TNXB: variants seen among roughly 807,000 people sequenced by gnomAD.
TNXB encodes tenascin-X.
A neutral mutation model predicts 340.5 loss-of-function variants in TNXB; 183 were observed. The observed-to-expected ratio is 0.54, with a 90% CI of 0.48 to 0.61. TNXB has a LOEUF of 0.61. Among genes scored for constraint, TNXB ranks in the 20% least tolerant of loss-of-function variants. The probability of loss-of-function intolerance (pLI) is 0.00; values close to 1 mark genes in which losing one functional copy is unlikely to be tolerated. For missense variants in TNXB, 4,613 were observed against 5,446.4 expected, an observed-to-expected ratio of 0.85 and a Z score of 4.82; for synonymous variants, 2,121 against 2,314.5, an observed-to-expected ratio of 0.92 and a Z score of 2.40.
chr6:32,094,441 C>G (rs1397776108), intron 4 of TNXB, among the ~76,000 whole-genome samples: 1 of 152,112 alleles, frequency 6.6e-6, no homozygotes, highest in African/African-American at 2.4e-5. Flanking sequence ...ATGACCAAAA[C>G]AGCTGCCTGC....
rs204880 is a variant in TNXB at position 32,074,214 on chromosome 6, C to T, written c.4376-262G>A. On this transcript the variant is annotated intron_variant, in intron 11 of 43. Transcript: ENST00000644971. The surrounding 1 kb of genome is among the most constrained non-coding windows in gnomAD (Gnocchi z 5.5). Reference sequence around the variant, plus strand: ...TGTGTGTGTGTATTTTTAGTGGAGACGGCATTTGCCATGTTGGCCAGGCTG... The same window carrying T: ...TGTGTGTGTGTATTTTTAGTGGAGATGGCATTTGCCATGTTGGCCAGGCTG... 0.013 allele frequency among the ~76,000 whole-genome samples: 1,948 copies of T among 152,110 alleles called. 39 individuals carry two copies. Among genetic ancestry groups the T allele is most frequent in the African/African-American group, 0.044 (1,832 of 41,484 alleles).
Position 32,069,603 on chromosome 6 carries a change from C to G in TNXB, c.5537G>C (p.Gly1846Ala). 1 of 1,604,514 alleles carries G rather than the reference C, an allele frequency of 6.2e-7. No homozygotes were observed. ...GCCCACACGCTTGCCGTGGTGCAGC[C>G]CGTAGAGCAGCAGCTTGTACCTGTG... ...PAHRYKLLLY[G>A]LHHGKRVGPI... The change falls in exon 15 of 44, where the codon GGG becomes GCG. Residue 1846 changes from glycine to alanine, a missense_variant. Gly to Ala is a moderately conservative substitution (Grantham distance 60). Transcript: ENST00000644971. This position sits in a 1 kb window ranked among gnomAD's most constrained non-coding sequence, Gnocchi z 6.2.
intron 19 of TNXB, among the ~76,000 whole-genome samples, chr6:32,063,040 G>A (rs981610126): frequency 1.3e-5 from 2 of 151,528 alleles, no homozygotes; most frequent in African/African-American, 2.4e-5. Flanking sequence ...GGGAGACAGC[G>A]AGACTCCTTC....
chr6:32,067,181 A>AAGAAAG lies in TNXB; in HGVS notation c.6544+479_6544+480insCTTTCT, dbSNP rs1778422937. Among the ~76,000 whole-genome samples, 1 of 150,722 alleles carries AAGAAAG rather than the reference A, an allele frequency of 6.6e-6. No individual in the cohort carries two copies. Among genetic ancestry groups the AAGAAAG allele is most frequent in the African/African-American group, 2.4e-5 (1 of 40,882 alleles). On this transcript the variant is annotated intron_variant, in intron 18 of 43. Transcript: ENST00000644971. This position sits in a 1 kb window ranked among gnomAD's most constrained non-coding sequence, Gnocchi z 4.2. ...AAAGAAAGAAAGAAAGAAAGAAAGAAAGAAAACATTCTAGTGATTCTAGTG... is the reference window on the plus strand; with the variant it reads ...AAAGAAAGAAAGAAAGAAAGAAAGAAAGAAAGAGAAAACATTCTAGTGATTCTAGTG...
At position 32,048,352 on chromosome 6, in the gene TNXB, C is replaced by T; in HGVS notation, c.10045+11G>A. On this transcript the variant is annotated intron_variant, in intron 29 of 43. Coordinates refer to ENST00000644971, the MANE Select transcript of TNXB (RefSeq NM_001365276.2). ...GGCTCTGGCCGCGGGAGGCCTCCAG[C>T]CCTCACTCACCGGTCCTGGCCTCCA... The T allele has an allele frequency of 1.4e-6, 2 of 1,477,778 alleles. No individual in the cohort carries two copies. The highest frequency in any genetic ancestry group is 1.8e-6 in the Non-Finnish European group (2 of 1,112,150). 91.5% of individuals were successfully genotyped at this position (1,477,778 alleles called of 1,614,324 possible). A position where few individuals can be genotyped will look rare whatever the true frequency, so the allele number is the denominator to read the frequency against.
chr6:32,099,042 T>G (rs3117182), intron 1 of TNXB, among the ~76,000 whole-genome samples: 1 of 152,130 alleles, frequency 6.6e-6, no homozygotes, highest in African/African-American at 2.4e-5. Flanking sequence ...TGGGAGCTCC[T>G]TGAGAACAAG....
In TNXB at chr6:32,082,465, G is replaced by A; in HGVS notation, c.3446-139C>T. On this transcript the variant is annotated intron_variant, in intron 8 of 43. Transcript: ENST00000644971. The surrounding 1 kb of genome is among the most constrained non-coding windows in gnomAD (Gnocchi z 5.0). ...TGCATTTGCTGAGGGAGTACAGAGG[G>A]ACTGAAATCCAGCCAGCACTCTGCT... The A allele has an allele frequency of 1.1e-6, 1 of 877,846 alleles. No individual in the cohort carries two copies. The allele number at this position is 877,846 out of a possible 1,614,324, so 54.4% of individuals were successfully genotyped here. A position where few individuals can be genotyped will look rare whatever the true frequency, so the allele number is the denominator to read the frequency against.
In TNXB at chr6:32,085,660, C is replaced by T. The variant is rs1779722437; in HGVS notation, c.3148+90G>A. Reference sequence around the variant, plus strand: ...ACATCAGCCCTGCCCTTCACTGGCCCCTCAATATCCATCCTACCTCTGAAG... The same window carrying T: ...ACATCAGCCCTGCCCTTCACTGGCCTCTCAATATCCATCCTACCTCTGAAG... On this transcript the variant is annotated intron_variant, in intron 7 of 43. Transcript: ENST00000644971. This position sits in a 1 kb window ranked among gnomAD's most constrained non-coding sequence, Gnocchi z 6.4. 8.5e-6 allele frequency: 12 copies of T among 1,405,104 alleles called. No homozygotes were observed. Among genetic ancestry groups the T allele is most frequent in the African/African-American group, 1.4e-5 (1 of 69,708 alleles). The allele number at this position is 1,405,104 out of a possible 1,614,324, so 87.0% of individuals were successfully genotyped here.
chr6:32,046,279 G>C lies in TNXB; in HGVS notation c.10502C>G (p.Thr3501Arg), dbSNP rs761900208. The C allele has an allele frequency of 1.9e-6, 3 of 1,606,578 alleles. No individual in the cohort carries two copies. The highest frequency in any genetic ancestry group is 2.5e-6 in the Non-Finnish European group (3 of 1,178,162). The change falls in exon 31 of 44, where the codon ACA becomes AGA. Residue 3501 changes from threonine (T) to arginine (R), a missense_variant. This residue lies in a region of TNXB where 4,327 missense variants were observed against 4,859.4 expected (regional missense o/e 0.89). Transcript: ENST00000644971. The surrounding 1 kb of genome is among the most constrained non-coding windows in gnomAD (Gnocchi z 6.9). ...RAVPVAADQR[T>R]VTVEDLEPGK... Reference sequence around the variant, plus strand: ...AGGCTCCAGGTCCTCTACGGTGACTGTGCGCTGGTCTGCGGCCACAGGCAC... The same window carrying C: ...AGGCTCCAGGTCCTCTACGGTGACTCTGCGCTGGTCTGCGGCCACAGGCAC...
chr6:32,087,546 A>G lies in TNXB; in HGVS notation c.2779+1239T>C, dbSNP rs1350999128. The G allele has an allele frequency of 4.6e-6, 2 of 436,970 alleles. No homozygotes were observed. Among genetic ancestry groups the G allele is most frequent in the South Asian group, 1.6e-5 (1 of 63,500 alleles). 27.1% of individuals were successfully genotyped at this position (436,970 alleles called of 1,614,324 possible). A position where few individuals can be genotyped will look rare whatever the true frequency, so the allele number is the denominator to read the frequency against. ...ACGCAGCCACCCGGTCGACGCCTTCAGGCGAGAGGCCGTAGATTCCCTGGT... is the reference window on the plus strand; with the variant it reads ...ACGCAGCCACCCGGTCGACGCCTTCGGGCGAGAGGCCGTAGATTCCCTGGT... On this transcript the variant is annotated intron_variant, in intron 6 of 43. Coordinates refer to ENST00000644971, the MANE Select transcript of TNXB (RefSeq NM_001365276.2). The surrounding 1 kb of genome is among the most constrained non-coding windows in gnomAD (Gnocchi z 9.0).
chr6:32,095,436 G>A, intron 3 of TNXB, 175 bp downstream of exon 3: 2 of 794,644 alleles, frequency 2.5e-6, no homozygotes, highest in South Asian at 1.8e-5. Flanking sequence ...GAGATCTGAA[G>A]GCCAGTCCTG....
chr6:32,043,976 C>A, intron 34 of TNXB, 31 bp downstream of exon 34: 1 of 1,606,178 alleles, frequency 6.2e-7, no homozygotes, highest in Non-Finnish European at 8.5e-7. Context: ...AGAGGAAATG[C>A]GAGGCGATGA....
chr6:32,061,818 G>A lies in TNXB; in HGVS notation c.7169-98C>T. 1 of 1,482,740 alleles carries A rather than the reference G, an allele frequency of 6.7e-7. No homozygotes were observed. 91.8% of individuals were successfully genotyped at this position (1,482,740 alleles called of 1,614,324 possible). A position where few individuals can be genotyped will look rare whatever the true frequency, so the allele number is the denominator to read the frequency against. Reference sequence around the variant, plus strand: ...AGAAGGCTATGACTAGGGGACATATGAAATAGCCAAGGCTATGACTAGGGG... The same window carrying A: ...AGAAGGCTATGACTAGGGGACATATAAAATAGCCAAGGCTATGACTAGGGG... On this transcript the variant is annotated intron_variant, in intron 20 of 43. Transcript: ENST00000644971. This position sits in a 1 kb window ranked among gnomAD's most constrained non-coding sequence, Gnocchi z 4.4.
In TNXB at chr6:32,079,084, C is replaced by T. The variant is rs762480960; in HGVS notation, c.4324G>A (p.Gly1442Ser). 7 of 1,613,626 alleles carry T rather than the reference C, an allele frequency of 4.3e-6. No homozygotes were observed. Among genetic ancestry groups the T allele is most frequent in the African/African-American group, 1.3e-5 (1 of 75,050 alleles). The change falls in exon 11 of 44, where the codon GGC (glycine) becomes AGC (serine). Residue 1442 changes from glycine (G) to serine (S), a missense_variant. By Grantham distance (56) the Gly-to-Ser change is moderately conservative (BLOSUM62 0). Transcript: ENST00000644971. This position sits in a 1 kb window ranked among gnomAD's most constrained non-coding sequence, Gnocchi z 7.1. ...CCCACGCGCTGCCCCTCGTGGAGGC[C>T]GTACAGGTGCATCTTGTACTTGTGC... ...PGHKYKMHLYGLHEGQRVGPV... is the reference protein window; with the variant it reads ...PGHKYKMHLYSLHEGQRVGPV...
chr6:32,088,165 C>G (rs185068125), intron 6 of TNXB, among the ~76,000 whole-genome samples: 1,977 of 152,302 alleles, frequency 0.013, 36 homozygotes, highest in Admixed American at 0.036. Context: ...GCAGCCCCCC[C>G]ATTCCCCTCC....
chr6:32,087,533 G>A lies in TNXB; in HGVS notation c.2779+1252C>T, dbSNP rs1351349745. 2.2e-6 allele frequency: 1 copy of A among 461,726 alleles called. No homozygotes were observed. Among genetic ancestry groups the A allele is most frequent in the Non-Finnish European group, 4.3e-6 (1 of 232,170 alleles). 28.6% of individuals were successfully genotyped at this position (461,726 alleles called of 1,614,324 possible). On this transcript the variant is annotated intron_variant, in intron 6 of 43. Transcript: ENST00000644971. This position sits in a 1 kb window ranked among gnomAD's most constrained non-coding sequence, Gnocchi z 9.0. ...TTGGGGTGGCGGGACGCAGCCACCC[G>A]GTCGACGCCTTCAGGCGAGAGGCCG...
rs1256470914 is a variant in TNXB, at chr6:32,052,465, GAAAGAAAGAA to G, written c.9115+195_9115+204del. On this transcript the variant is annotated intron_variant, in intron 26 of 43. Transcript: ENST00000644971. The surrounding 1 kb of genome is among the most constrained non-coding windows in gnomAD (Gnocchi z 4.7). ...GACTCTATCTCAAAAAAAAAAAAAA[GAAAGAAAGAA>G]AAAGAAAGAAATGCATGGTCTCTTG... Among the ~76,000 whole-genome samples, 10 of 150,324 alleles carry G rather than the reference GAAAGAAAGAA, an allele frequency of 6.7e-5. No individual in the cohort carries two copies. The highest frequency in any genetic ancestry group is 2.4e-4 in the African/African-American group (10 of 40,988).
At chr6:32,055,365 C>T (rs536786010) in intron 24 of TNXB, among the ~76,000 whole-genome samples, 9 of 152,202 alleles carry the variant, frequency 5.9e-5, no homozygotes, top group Admixed American at 2.0e-4. Flanking sequence ...TTACAGTGTC[C>T]GGATCAGGGC....
At position 32,097,016 on chromosome 6, in the gene TNXB, G is replaced by T; in HGVS notation, c.837C>A (p.Ser279Arg). 1.9e-6 allele frequency: 3 copies of T among 1,613,594 alleles called. No homozygotes were observed. The highest frequency in any genetic ancestry group is 2.5e-6 in the Non-Finnish European group (3 of 1,179,704). The change falls in exon 3 of 44, where the codon AGC (serine) becomes AGA (arginine). Residue 279 changes from serine (S) to arginine (R), a missense_variant. By Grantham distance (110) the Ser-to-Arg change is moderately radical (BLOSUM62 -1). Coordinates refer to ENST00000644971, the MANE Select transcript of TNXB (RefSeq NM_001365276.2). The surrounding 1 kb of genome is among the most constrained non-coding windows in gnomAD (Gnocchi z 5.9). ...CCCTCTGACTGCAACCGCGAGGGCA[G>T]CTCCTCATGCCACAGTCGTCACCAG... ...GYTGDDCGMR[S>R]CPRGCSQRGR... is the part of the protein sequence containing the mutation.
Sources: gnomAD v4.1 joint callset for allele counts (sites outside exome capture counted in the v4.1 genomes callset) on GRCh38, gnomAD v4.1.1 for gene constraint, gnomAD v4.1.1 regional missense constraint, Gnocchi (gnomAD v3.1) non-coding constraint, MANE v1.5 for transcripts, NCBI Gene and HGNC (gene_info 2026-07-23, HGNC 2026-07-21) for gene names.